The following CDK14 variants were observed in gnomAD, a reference collection of about 807,000 sequenced individuals.
CDK14 encodes cyclin-dependent kinase 14.
Under a neutral mutation model 60.7 loss-of-function variants are expected in CDK14, and 34 were observed. The observed-to-expected ratio is 0.56, with a 90% CI of 0.43 to 0.75. The LOEUF is 0.75. Ranked by LOEUF, CDK14 falls within the 30% of genes least tolerant of loss-of-function variation. The pLI is 0.00. For missense variants in CDK14, 482 were observed against 564.1 expected (o/e 0.85, Z 1.47); for synonymous variants, 197 against 203.7 (o/e 0.97, Z 0.28).
rs551737392 is a variant in CDK14, at chr7:90,916,993, C to G, written c.703-608C>G. Among the ~76,000 whole-genome samples, 31 of 152,278 alleles carry G rather than the reference C, an allele frequency of 2.0e-4. No individual in the cohort carries two copies. In the South Asian group the frequency reaches 6.4e-3, roughly 32 times the overall value. ...TGAAATTAGTGAAGGTGGTACATGT[C>G]TGTCTTTAAGCAGCAGCCTAATCTA... On this transcript the variant is annotated intron_variant, in intron 7 of 14. Transcript: ENST00000380050.
At chr7:90,850,123 A>G (rs1019244101) in intron 5 of CDK14, among the ~76,000 whole-genome samples, 5 of 152,010 alleles carry the variant, frequency 3.3e-5, no homozygotes, top group African/African-American at 1.2e-4. Flanking sequence ...ATTCTGTGAC[A>G]TCTATAATCT....
At chr7:90,822,027 A>T (rs1789569793) in intron 5 of CDK14, among the ~76,000 whole-genome samples, 4 of 152,092 alleles carry the variant, frequency 2.6e-5, no homozygotes, top group Admixed American at 2.6e-4. Flanking sequence ...GGGTGAATCA[A>T]TCCTGCTTAT....
At chr7:90,948,241 A>G (rs1794157354) in intron 8 of CDK14, among the ~76,000 whole-genome samples, 1 of 152,220 alleles carries the variant, frequency 6.6e-6, no homozygotes. Flanking sequence ...CATTGGAATA[A>G]TAACCACAAG....
At chr7:90,895,301 C>T in intron 6 of CDK14, among the ~76,000 whole-genome samples, 2 of 120,764 alleles carry the variant, frequency 1.7e-5, no homozygotes, top group African/African-American at 3.1e-5. Flanking sequence ...GTCACTTTTC[C>T]CATTCTTTCC....
At chr7:90,836,997 A>G (rs929302693) in intron 5 of CDK14, among the ~76,000 whole-genome samples, 1 of 152,230 alleles carries the variant, frequency 6.6e-6, no homozygotes, top group Non-Finnish European at 1.5e-5. Context: ...TTTGAAATAC[A>G]AGTTAAGCAG....
At chr7:90,749,018 A>T (rs547666942) in intron 4 of CDK14, among the ~76,000 whole-genome samples, 4 of 152,236 alleles carry the variant, frequency 2.6e-5, no homozygotes, top group Non-Finnish European at 5.9e-5. Context: ...TAGGATTTTC[A>T]GGAGTGTGGT....
intron 9 of CDK14, among the ~76,000 whole-genome samples, chr7:90,961,772 G>T (rs1017890349): frequency 6.6e-6 from 1 of 152,212 alleles, no homozygotes; most frequent in African/African-American, 2.4e-5. Flanking sequence ...GATTGAAGCT[G>T]ATGGTTTCTA....
intron 5 of CDK14, among the ~76,000 whole-genome samples, chr7:90,821,238 G>T (rs568696641): frequency 1.9e-4 from 29 of 152,292 alleles, no homozygotes; most frequent in African/African-American, 6.7e-4. Context: ...AGGAGACACA[G>T]CTATAAGGAA....
chr7:91,042,453 C>G (rs994977362), intron 10 of CDK14, among the ~76,000 whole-genome samples: 1 of 152,134 alleles, frequency 6.6e-6, no homozygotes, highest in Admixed American at 6.5e-5. Context: ...ATCACCACCC[C>G]TGTTCATCTG....
chr7:90,938,487 G>A (rs3808247), intron 8 of CDK14, among the ~76,000 whole-genome samples: 26,156 of 152,100 alleles, frequency 0.17, 2,387 homozygotes, highest in African/African-American at 0.21. Flanking sequence ...TTAAAACTTA[G>A]TAATCTAGTT....
At chr7:90,624,233 G>A (rs956858114) in intron 2 of CDK14, among the ~76,000 whole-genome samples, 5 of 152,074 alleles carry the variant, frequency 3.3e-5, no homozygotes, top group African/African-American at 1.2e-4. Context: ...CCCTTATTCT[G>A]CTTCTCCTGA....
At chr7:91,154,877 A>C (rs536993113) in intron 14 of CDK14, among the ~76,000 whole-genome samples, 1 of 152,210 alleles carries the variant, frequency 6.6e-6, no homozygotes, top group Non-Finnish European at 1.5e-5. Context: ...CTAATTGGCT[A>C]TATAGGCCAA....
chr7:90,809,764 G>A (rs1034417281), intron 5 of CDK14, among the ~76,000 whole-genome samples: 2 of 151,992 alleles, frequency 1.3e-5, no homozygotes, highest in South Asian at 4.2e-4. Context: ...TCAAATAGAA[G>A]CAATAAAAAA....
At chr7:90,932,792 T>A (rs1793633822) in intron 8 of CDK14, among the ~76,000 whole-genome samples, 1 of 152,194 alleles carries the variant, frequency 6.6e-6, no homozygotes, top group African/African-American at 2.4e-5. Context: ...CCTTCTCTTG[T>A]TTCATCTGAA....
chr7:91,126,113 A>G (rs1295599428), intron 14 of CDK14, among the ~76,000 whole-genome samples: 1 of 152,178 alleles, frequency 6.6e-6, no homozygotes, highest in African/African-American at 2.4e-5. Context: ...TAGAGTTGTG[A>G]TACATTGCCA....
chr7:91,133,815 C>G (rs936863122), intron 14 of CDK14, among the ~76,000 whole-genome samples: 1 of 152,270 alleles, frequency 6.6e-6, no homozygotes, highest in Admixed American at 6.5e-5. Context: ...GACGCTATCT[C>G]ATTACCAGAT....
intron 2 of CDK14, among the ~76,000 whole-genome samples, chr7:90,614,249 C>T (rs1799605048): frequency 6.6e-6 from 1 of 152,148 alleles, no homozygotes; most frequent in Non-Finnish European, 1.5e-5. Flanking sequence ...AAGTGATCCA[C>T]CCGCCTTGGC....
Position 90,747,704 on chromosome 7 carries a change from A to G in CDK14, c.393A>G (p.Lys131=). The change falls in exon 4 of 15, where the codon AAA becomes AAG. Residue 131 remains lysine, a synonymous_variant. Coordinates refer to ENST00000380050, the MANE Select transcript of CDK14 (RefSeq NM_001287135.2). ...PSSPTSPKFG[K]ADSYEKLEKL... is the part of the protein sequence containing the mutation. ...AGCCAACAAGTCCCAAATTTGGAAAAGCTGACTCATATGAAAAGCTGGAAA... is the reference window on the plus strand; with the variant it reads ...AGCCAACAAGTCCCAAATTTGGAAAGGCTGACTCATATGAAAAGCTGGAAA... The G allele has an allele frequency of 6.3e-7, 1 of 1,598,952 alleles. No homozygotes were observed. The highest frequency in any genetic ancestry group is 8.5e-7 in the Non-Finnish European group (1 of 1,174,782).
chr7:90,734,977 G>T (rs555402130), intron 3 of CDK14, among the ~76,000 whole-genome samples: 1 of 152,270 alleles, frequency 6.6e-6, no homozygotes, highest in African/African-American at 2.4e-5. Context: ...TGATGTTGGT[G>T]ACCTTCGGAT....
Sources: gnomAD v4.1 joint callset for allele counts (sites outside exome capture counted in the v4.1 genomes callset) on GRCh38, gnomAD v4.1.1 for gene constraint, MANE v1.5 for transcripts, NCBI Gene and HGNC (gene_info 2026-07-23, HGNC 2026-07-21) for gene names.